GABBR2: variants seen among roughly 807,000 people sequenced by gnomAD.
GABBR2 encodes the protein gamma-aminobutyric acid type B receptor subunit 2, also known as G-protein coupled receptor 51.
A neutral mutation model predicts 105.6 loss-of-function variants in GABBR2; 23 were observed. The observed-to-expected ratio is 0.22, with a 90% CI of 0.16 to 0.31. The LOEUF (loss-of-function observed/expected upper bound fraction) is 0.31. Ranked by LOEUF, GABBR2 falls within the 10% of genes least tolerant of loss-of-function variation. The pLI is 1.00. For synonymous variants in GABBR2, 478 were observed against 499.7 expected (o/e 0.96, Z 0.58); for missense variants, 734 against 1,245.5 (o/e 0.59, Z 6.18).
chr9:98,606,712 T>A, intron 1 of GABBR2: 1 of 231,304 alleles, frequency 4.3e-6, no homozygotes, highest in Non-Finnish European at 8.6e-6. Flanking sequence ...ACTCCTGACC[T>A]CAAGTGATCC....
intron 2 of GABBR2, among the ~76,000 whole-genome samples, chr9:98,572,864 C>A (rs528843608): frequency 6.6e-6 from 1 of 152,174 alleles, no homozygotes; most frequent in Non-Finnish European, 1.5e-5. Flanking sequence ...TCCAAGCCCC[C>A]CCAGCATGCC....
chr9:98,394,722 A>T (rs138482269), intron 8 of GABBR2, among the ~76,000 whole-genome samples: 1 of 152,088 alleles, frequency 6.6e-6, no homozygotes, highest in Non-Finnish European at 1.5e-5. Context: ...ACAGAACAGC[A>T]CTTCAATCTC....
chr9:98,312,194 C>T (rs1313516819), intron 13 of GABBR2, among the ~76,000 whole-genome samples: 7 of 152,298 alleles, frequency 4.6e-5, no homozygotes, highest in Non-Finnish European at 7.4e-5. Context: ...GGCTTAATAA[C>T]GTCCTTTAAA....
chr9:98,448,340 C>A (rs1281777860), intron 7 of GABBR2, among the ~76,000 whole-genome samples: 2 of 152,126 alleles, frequency 1.3e-5, no homozygotes, highest in Non-Finnish European at 2.9e-5. Flanking sequence ...CACCTAAAAG[C>A]CCCCATCCAA....
At chr9:98,643,048 G>T (rs1275333213) in intron 1 of GABBR2, among the ~76,000 whole-genome samples, 2 of 152,224 alleles carry the variant, frequency 1.3e-5, no homozygotes, top group African/African-American at 2.4e-5. Context: ...TATTTGGGAA[G>T]TGATCCCAAA....
At position 98,388,259 on chromosome 9, in the gene GABBR2, G is replaced by A. The variant is rs1318165886; in HGVS notation, c.1529+595C>T. On this transcript the variant is annotated intron_variant, in intron 10 of 18. Coordinates refer to ENST00000259455, the MANE Select transcript of GABBR2 (RefSeq NM_005458.8). This position sits in a 1 kb window ranked among gnomAD's most constrained non-coding sequence, Gnocchi z 4.4. ...AGAAACCAAGAAGACAGTCTGCCAC[G>A]AGTGGACAGCAGCACTCTGTCGCTG... is the stretch of plus-strand genomic sequence containing the variant. Among the ~76,000 whole-genome samples, 1 of 152,332 alleles carries A rather than the reference G, an allele frequency of 6.6e-6. No individual in the cohort carries two copies. Among genetic ancestry groups the A allele is most frequent in the East Asian group, 1.9e-4 (1 of 5,180 alleles).
chr9:98,700,376 G>A (rs1220849804), intron 1 of GABBR2, among the ~76,000 whole-genome samples: 1 of 152,192 alleles, frequency 6.6e-6, no homozygotes, highest in African/African-American at 2.4e-5. Flanking sequence ...TTCAAGCTAA[G>A]AGCAAAATCT....
chr9:98,583,065 T>A (rs1200181852), intron 1 of GABBR2, among the ~76,000 whole-genome samples: 1 of 152,122 alleles, frequency 6.6e-6, no homozygotes, highest in Non-Finnish European at 1.5e-5. Context: ...TCCCCCAGGA[T>A]AATGCCGCAA....
At chr9:98,511,244 A>G (rs565281497) in intron 3 of GABBR2, among the ~76,000 whole-genome samples, 23 of 150,440 alleles carry the variant, frequency 1.5e-4, no homozygotes, top group Admixed American at 6.6e-4. Context: ...TCTCTGGGAC[A>G]CATTCAAAGC....
At chr9:98,676,948 G>A (rs138561554) in intron 1 of GABBR2, among the ~76,000 whole-genome samples, 8 of 152,314 alleles carry the variant, frequency 5.3e-5, no homozygotes, top group African/African-American at 1.9e-4. Flanking sequence ...AGATGGGCAA[G>A]GTGCTCTGTG....
chr9:98,342,990 G>C (rs1831241598), intron 13 of GABBR2, among the ~76,000 whole-genome samples: 1 of 152,194 alleles, frequency 6.6e-6, no homozygotes, highest in Non-Finnish European at 1.5e-5. Flanking sequence ...GGTAAGAGTT[G>C]AAATTATTTA....
chr9:98,316,017 G>A (rs1830710555), intron 13 of GABBR2, among the ~76,000 whole-genome samples: 1 of 152,240 alleles, frequency 6.6e-6, no homozygotes, highest in African/African-American at 2.4e-5. Context: ...CGAGCACAGG[G>A]CACTGACCCC....
At chr9:98,302,446 A>G (rs7865635) in intron 16 of GABBR2, among the ~76,000 whole-genome samples, 1 of 152,086 alleles carries the variant, frequency 6.6e-6, no homozygotes, top group African/African-American at 2.4e-5. Context: ...AGCTGCCCCA[A>G]CCGGGCCCTC....
At chr9:98,466,341 G>C (rs2779520) in intron 6 of GABBR2, among the ~76,000 whole-genome samples, 1 of 152,086 alleles carries the variant, frequency 6.6e-6, no homozygotes, top group Non-Finnish European at 1.5e-5. Context: ...CTGGCAGTGG[G>C]TATTAACTGT....
At chr9:98,315,402 G>C (rs1353184082) in intron 13 of GABBR2, among the ~76,000 whole-genome samples, 1 of 152,206 alleles carries the variant, frequency 6.6e-6, no homozygotes, top group Non-Finnish European at 1.5e-5. Flanking sequence ...CCTGTCACAG[G>C]TCAGAGGTTA....
At chr9:98,596,001 T>C (rs1686909239) in intron 1 of GABBR2, among the ~76,000 whole-genome samples, 1 of 152,226 alleles carries the variant, frequency 6.6e-6, no homozygotes, top group African/African-American at 2.4e-5. Flanking sequence ...CTGGAAGTCT[T>C]TGCCAGGTGA....
chr9:98,391,299 C>T (rs1232236375), intron 9 of GABBR2, among the ~76,000 whole-genome samples: 1 of 152,140 alleles, frequency 6.6e-6, no homozygotes, highest in Non-Finnish European at 1.5e-5. Flanking sequence ...CTTGATCCAC[C>T]CAACAGCCTC....
At chr9:98,645,123 G>T (rs1830013828) in intron 1 of GABBR2, among the ~76,000 whole-genome samples, 1 of 152,156 alleles carries the variant, frequency 6.6e-6, no homozygotes, top group African/African-American at 2.4e-5. Flanking sequence ...CTAGGCTTCT[G>T]TCGACCCTTG....
At chr9:98,669,837 A>G (rs1238175183) in intron 1 of GABBR2, among the ~76,000 whole-genome samples, 1 of 152,130 alleles carries the variant, frequency 6.6e-6, no homozygotes, top group African/African-American at 2.4e-5. Flanking sequence ...ACATGCAGGA[A>G]ACCAGAAGCA....
Sources: gnomAD v4.1 joint callset for allele counts (sites outside exome capture counted in the v4.1 genomes callset) on GRCh38, gnomAD v4.1.1 for gene constraint, Gnocchi (gnomAD v3.1) non-coding constraint, MANE v1.5 for transcripts, NCBI Gene and HGNC (gene_info 2026-07-23, HGNC 2026-07-21) for gene names.